ATP2B2: variants seen among roughly 807,000 people sequenced by gnomAD.
ATP2B2 encodes the protein plasma membrane calcium-transporting ATPase 2.
Under a neutral mutation model 120.0 loss-of-function variants are expected in ATP2B2, and 15 were observed. That is an observed-to-expected ratio of 0.12 (90% CI 0.08 to 0.19). The LOEUF is 0.19. Ranked by LOEUF, ATP2B2 falls within the 10% of genes least tolerant of loss-of-function variation. The pLI is 1.00. For synonymous variants in ATP2B2, 694 were observed against 700.3 expected (o/e 0.99, Z 0.14); for missense variants, 1,045 against 1,719.8 (o/e 0.61, Z 6.94).
intron 2 of ATP2B2, among the ~76,000 whole-genome samples, chr3:10,576,495 C>T (rs1174913991): frequency 2.0e-5 from 3 of 152,170 alleles, no homozygotes; most frequent in Admixed American, 6.5e-5. Context: ...ATCCTCCCAC[C>T]TGTCTTCTTA....
At chr3:10,668,418 C>T (rs2071004696) in intron 1 of ATP2B2, among the ~76,000 whole-genome samples, 1 of 152,360 alleles carries the variant, frequency 6.6e-6, no homozygotes, top group African/African-American at 2.4e-5. Context: ...GGAATGACAA[C>T]ACCGGTAAAG....
chr3:10,560,011 G>A (rs151098999), intron 2 of ATP2B2, among the ~76,000 whole-genome samples: 191 of 152,316 alleles, frequency 1.3e-3, no homozygotes, highest in Non-Finnish European at 2.5e-3. Context: ...CTGGCCTCTT[G>A]CAGCCTTTGA....
chr3:10,436,040 C>T (rs776417013), intron 2 of ATP2B2, among the ~76,000 whole-genome samples: 5 of 152,210 alleles, frequency 3.3e-5, no homozygotes, highest in South Asian at 2.1e-4. Context: ...CTGGCCTAAG[C>T]GTGGGCATGT....
chr3:10,367,254 C>A (rs893728039), intron 12 of ATP2B2, among the ~76,000 whole-genome samples: 1 of 151,972 alleles, frequency 6.6e-6, no homozygotes, highest in Non-Finnish European at 1.5e-5. Flanking sequence ...GGGTTGTGCC[C>A]CCTGCCTGGA....
chr3:10,665,917 C>G (rs527676623), intron 1 of ATP2B2, among the ~76,000 whole-genome samples: 1 of 152,316 alleles, frequency 6.6e-6, no homozygotes, highest in South Asian at 2.1e-4. Context: ...TCAGAAAAAC[C>G]TAGAGAGGGA....
At chr3:10,353,814 G>A (rs576798307) in intron 14 of ATP2B2, among the ~76,000 whole-genome samples, 3 of 152,198 alleles carry the variant, frequency 2.0e-5, no homozygotes, top group Admixed American at 6.5e-5. Context: ...GGGGACCAAC[G>A]GGCTGGGCTG....
chr3:10,650,214 G>A (rs34436614), intron 1 of ATP2B2, among the ~76,000 whole-genome samples: 46,726 of 152,132 alleles, frequency 0.31, 10,700 homozygotes, highest in African/African-American at 0.64. Flanking sequence ...AAACAATAAC[G>A]TCCAGACTGA....
chr3:10,684,496 G>T (rs1446900563), intron 1 of ATP2B2, among the ~76,000 whole-genome samples: 11 of 152,224 alleles, frequency 7.2e-5, no homozygotes, highest in Admixed American at 7.2e-4. Flanking sequence ...GCAACTGAAA[G>T]AGTCTTATTA....
chr3:10,398,563 T>C (rs9872350), intron 5 of ATP2B2, among the ~76,000 whole-genome samples: 99,471 of 152,144 alleles, frequency 0.65, 33,864 homozygotes, highest in African/African-American at 0.84. Context: ...TGCTGAGACA[T>C]GGAATGCCTT....
intron 14 of ATP2B2, among the ~76,000 whole-genome samples, chr3:10,357,085 G>A (rs970112878): frequency 1.3e-5 from 2 of 151,950 alleles, no homozygotes; most frequent in East Asian, 3.9e-4. Flanking sequence ...AACACCTTTG[G>A]CAGGCTAGGC....
At chr3:10,332,951 C>A (rs1000524311) in intron 22 of ATP2B2, among the ~76,000 whole-genome samples, 1 of 152,162 alleles carries the variant, frequency 6.6e-6, no homozygotes, top group Non-Finnish European at 1.5e-5. Flanking sequence ...AAAACAACCT[C>A]GTTTTTGAGT....
intron 17 of ATP2B2, 26 bp from the exon 18 acceptor site, chr3:10,345,601 G>C (rs770596194): frequency 3.1e-6 from 5 of 1,611,042 alleles, no homozygotes; most frequent in Non-Finnish European, 3.4e-6. Context: ...CAGGAGGCTG[G>C]GTGGGGTGGC....
Position 10,342,722 on chromosome 3 carries a change from G to A in ATP2B2, c.2917+30C>T, listed in dbSNP as rs778743417. ...CACCCAGAAGGTGATGACCCCGCCT[G>A]GGAGAGGCGTGGGTGGGCGAGGCGC... On this transcript the variant is annotated intron_variant, in intron 19 of 22. Transcript: ENST00000360273. This position sits in a 1 kb window ranked among gnomAD's most constrained non-coding sequence, Gnocchi z 4.4. 5.0e-6 allele frequency: 8 copies of A among 1,610,646 alleles called. No homozygotes were observed. In the South Asian group the frequency reaches 6.6e-5, roughly 13 times the overall value.
chr3:10,501,228 T>C (rs1430722214), intron 1 of ATP2B2, among the ~76,000 whole-genome samples: 1 of 152,170 alleles, frequency 6.6e-6, no homozygotes, highest in Non-Finnish European at 1.5e-5. Context: ...ATGACACTTC[T>C]AAGGCTTTTA....
chr3:10,344,846 G>A (rs141909313), intron 18 of ATP2B2, among the ~76,000 whole-genome samples: 186 of 152,328 alleles, frequency 1.2e-3, no homozygotes, highest in Non-Finnish European at 2.1e-3. Context: ...AGACCCAGTC[G>A]TGGTATCTGG....
At position 10,346,088 on chromosome 3, in the gene ATP2B2, C is replaced by T. The variant is rs141909007; in HGVS notation, c.2454G>A (p.Thr818=). 2,788 of 1,612,310 alleles carry T rather than the reference C, an allele frequency of 1.7e-3. 6 individuals carry two copies. The highest frequency in any genetic ancestry group is 4.5e-3 in the East Asian group (204 of 44,878). Residue 818 remains threonine, a synonymous_variant, in exon 17 of 23, where the codon ACG becomes ACA. Coordinates refer to ENST00000360273, the MANE Select transcript of ATP2B2 (RefSeq NM_001001331.4). This position sits in a 1 kb window ranked among gnomAD's most constrained non-coding sequence, Gnocchi z 4.1. ...CAGGCCCGTCGTTGGTCCCGTCCCC[C>T]GTCACGGCCACCACCTGCCGCTGCT... is the stretch of plus-strand genomic sequence containing the variant. The part of the protein sequence containing the change: ...HTEQRQVVAV[T]GDGTNDGPAL...
At chr3:10,589,300 G>C (rs903191331) in intron 2 of ATP2B2, among the ~76,000 whole-genome samples, 14 of 152,184 alleles carry the variant, frequency 9.2e-5, no homozygotes, top group Non-Finnish European at 2.9e-5. Context: ...CTACAGGCTT[G>C]CTCATTAGTA....
In ATP2B2 at chr3:10,556,153, G is replaced by A. The variant is rs533851470; in HGVS notation, c.-414-22020C>T. 2.6e-5 allele frequency among the ~76,000 whole-genome samples: 4 copies of A among 152,292 alleles called. No individual in the cohort carries two copies. In the South Asian group the frequency reaches 8.3e-4, roughly 32 times the overall value. ...GACCTGAAGTGATCTGCCCTCCTTG[G>A]CCTCCCAAAGTGCTGGGATTATAGG... On this transcript the variant is annotated intron_variant, in intron 2 of 21. Coordinates refer to the ATP2B2 transcript ENST00000646379.
At chr3:10,471,364 C>CTGAGTGTGGTG (rs1221371075) in intron 1 of ATP2B2, among the ~76,000 whole-genome samples, 151 of 150,466 alleles carry the variant, frequency 1.0e-3, no homozygotes, top group Non-Finnish European at 1.1e-3. Flanking sequence ...TTCAGGAAAC[C>CTGAGTGTGGTG]TGTGTGTGTG....
Sources: allele counts gnomAD v4.1 joint callset (sites outside exome capture counted in the v4.1 genomes callset), GRCh38; gene constraint gnomAD v4.1.1; non-coding constraint Gnocchi (gnomAD v3.1); transcripts MANE v1.5; gene names NCBI Gene and HGNC (gene_info 2026-07-23, HGNC 2026-07-21).